Variants in AGAP1 observed in about 807,000 individuals in gnomAD.
The protein encoded by AGAP1 is ArfGAP with GTPase domain, ankyrin repeat and PH domain 1.
AGAP1 carries 29 observed loss-of-function variants against 105.3 expected under a neutral mutation model. That is an observed-to-expected ratio of 0.28 (90% confidence interval 0.21 to 0.38). The LOEUF is 0.38. Ranked by LOEUF, AGAP1 falls within the 10% of genes least tolerant of loss-of-function variation. The pLI is 1.00. For synonymous variants in AGAP1, 509 were observed against 485.9 expected, an observed-to-expected ratio of 1.05 and a Z score of -0.63; for missense variants, 998 against 1,165.1, an observed-to-expected ratio of 0.86 and a Z score of 2.09.
chr2:235,992,467 ATTCCT>A lies in AGAP1; in HGVS notation c.1645+23848_1645+23852del. ...CATGTGGGGACAGAGACTGCCACCC[ATTCCT>A]TTCTGAGGATTCAGTTCTTATAGAC... is the stretch of plus-strand genomic sequence containing the variant. On this transcript the variant is annotated intron_variant, in intron 13 of 17. Transcript: ENST00000304032. The surrounding 1 kb of genome is among the most constrained non-coding windows in gnomAD (Gnocchi z 4.8). 6.6e-6 allele frequency among the ~76,000 whole-genome samples: 1 copy of A among 152,208 alleles called. No homozygotes were observed. Among genetic ancestry groups the A allele is most frequent in the East Asian group, 1.9e-4 (1 of 5,176 alleles).
chr2:236,101,578 C>G lies in AGAP1; in HGVS notation c.2115-18614C>G, dbSNP rs571668549. Among the ~76,000 whole-genome samples the G allele has an allele frequency of 6.6e-6, 1 of 152,290 alleles. No homozygotes were observed. Among genetic ancestry groups the G allele is most frequent in the African/African-American group, 2.4e-5 (1 of 41,560 alleles). ...CCTCTCCCTGGTGTTTAAAGGGCGT[C>G]GGTGCACGTACAGCGAGGGCTTACA... On this transcript the variant is annotated intron_variant, in intron 16 of 17. Transcript: ENST00000304032. This position sits in a 1 kb window ranked among gnomAD's most constrained non-coding sequence, Gnocchi z 4.9.
chr2:235,591,120 AT>A (rs1945325700), intron 1 of AGAP1, among the ~76,000 whole-genome samples: 1 of 151,764 alleles, frequency 6.6e-6, no homozygotes, highest in East Asian at 1.9e-4. Context: ...GGTTCAAGCA[AT>A]TTTCGTGCCT....
At position 236,061,303 on chromosome 2, in the gene AGAP1, A is replaced by C. The variant is rs1407739029; in HGVS notation, c.2114+12022A>C. Among the ~76,000 whole-genome samples, 2 of 152,114 alleles carry C rather than the reference A, an allele frequency of 1.3e-5. No homozygotes were observed. Among genetic ancestry groups the C allele is most frequent in the Non-Finnish European group, 1.5e-5 (1 of 68,030 alleles). On this transcript the variant is annotated intron_variant, in intron 16 of 17. Coordinates refer to ENST00000304032, the MANE Select transcript of AGAP1 (RefSeq NM_001037131.3). This position sits in a 1 kb window ranked among gnomAD's most constrained non-coding sequence, Gnocchi z 4.1. ...GAAGATAGTCTGGCACTTCCTCGAA[A>C]AGTTAAACCTAGAGTTACCGTATGA...
At position 236,002,175 on chromosome 2, in the gene AGAP1, A is replaced by G. The variant is rs965869964; in HGVS notation, c.1645+33552A>G. ...CCAAGGGTCCATTTGTTACTGAGTC[A>G]TTCATTCAGCAGACTCGTTGAGAAC... On this transcript the variant is annotated intron_variant, in intron 13 of 17. Coordinates refer to ENST00000304032, the MANE Select transcript of AGAP1 (RefSeq NM_001037131.3). The surrounding 1 kb of genome is among the most constrained non-coding windows in gnomAD (Gnocchi z 4.3). Among the ~76,000 whole-genome samples, 1 of 152,198 alleles carries G rather than the reference A, an allele frequency of 6.6e-6. No homozygotes were observed. The highest frequency in any genetic ancestry group is 2.4e-5 in the African/African-American group (1 of 41,456).
chr2:235,863,577 G>C (rs994861334), intron 9 of AGAP1, among the ~76,000 whole-genome samples: 6 of 152,206 alleles, frequency 3.9e-5, no homozygotes, highest in African/African-American at 1.4e-4. Flanking sequence ...GATGATTTCA[G>C]CTGACCAGGG....
chr2:235,797,889 ACGTT>A lies in AGAP1; in HGVS notation c.801+4_801+7del. ...TGTCTGCCGTGCACATCAGCCAGGT[ACGTT>A]AGGTGACATGAGAAGTCAGACTCTT... On this transcript the variant is annotated splice_donor_5th_base_variant and intron_variant, in intron 7 of 17. Transcript: ENST00000304032. 6.2e-7 allele frequency: 1 copy of A among 1,614,018 alleles called. No homozygotes were observed. Among genetic ancestry groups the A allele is most frequent in the Non-Finnish European group, 8.5e-7 (1 of 1,180,008 alleles).
At position 235,872,387 on chromosome 2, in the gene AGAP1, A is replaced by T. The variant is rs78809488; in HGVS notation, c.1051-10958A>T. Among the ~76,000 whole-genome samples, 3,769 of 152,312 alleles carry T rather than the reference A, an allele frequency of 0.025. 84 individuals carry two copies. The highest frequency in any genetic ancestry group is 0.032 in the Non-Finnish European group (2,180 of 68,022). On this transcript the variant is annotated intron_variant, in intron 9 of 17. Coordinates refer to ENST00000304032, the MANE Select transcript of AGAP1 (RefSeq NM_001037131.3). This position sits in a 1 kb window ranked among gnomAD's most constrained non-coding sequence, Gnocchi z 4.5. ...AATCTTAAGCAGAGATGGTTTTCACATGTACAAAAGTGGCATCTGAAAGAT... is the reference window on the plus strand; with the variant it reads ...AATCTTAAGCAGAGATGGTTTTCACTTGTACAAAAGTGGCATCTGAAAGAT...
At chr2:235,504,846 A>C (rs1312695764) in intron 1 of AGAP1, among the ~76,000 whole-genome samples, 4 of 152,144 alleles carry the variant, frequency 2.6e-5, no homozygotes, top group African/African-American at 9.7e-5. Flanking sequence ...TCCAGCACTT[A>C]GAGATTAGGT....
chr2:235,704,723 TC>T (rs1950438465), intron 1 of AGAP1, among the ~76,000 whole-genome samples: 1 of 152,160 alleles, frequency 6.6e-6, no homozygotes, highest in Non-Finnish European at 1.5e-5. Context: ...TTGCTAAGCG[TC>T]CCAGGTTAGT....
Position 235,692,049 on chromosome 2 carries a change from C to G in AGAP1, c.164-17130C>G, listed in dbSNP as rs943067891. On this transcript the variant is annotated intron_variant, in intron 1 of 17. Coordinates refer to ENST00000304032, the MANE Select transcript of AGAP1 (RefSeq NM_001037131.3). The surrounding 1 kb of genome is among the most constrained non-coding windows in gnomAD (Gnocchi z 5.8). ...GTTAACAAAGACTATAAAGTTTTCT[C>G]AAGAGGATGTAAACCAAGTAAACAA... 6.6e-6 allele frequency among the ~76,000 whole-genome samples: 1 copy of G among 152,178 alleles called. No individual in the cohort carries two copies. Among genetic ancestry groups the G allele is most frequent in the African/African-American group, 2.4e-5 (1 of 41,438 alleles).
chr2:235,728,301 C>CTGTGTGTGTGTGTGTGTGTGTGTGTGTG lies in AGAP1; in HGVS notation c.310+10683_310+10684insTGTGTGTGTGTGTGTGTGTGTGTGTGTG, dbSNP rs143714801. ...ATCTGAAAAGGACTGGGCCCAGACT[C>CTGTGTGTGTGTGTGTGTGTGTGTGTGTG]TGTGTGTGTGTGTGTGTGTGTGTGT... On this transcript the variant is annotated intron_variant, in intron 3 of 17. Coordinates refer to ENST00000304032, the MANE Select transcript of AGAP1 (RefSeq NM_001037131.3). This position sits in a 1 kb window ranked among gnomAD's most constrained non-coding sequence, Gnocchi z 4.3. Among the ~76,000 whole-genome samples the CTGTGTGTGTGTGTGTGTGTGTGTGTGTG allele has an allele frequency of 3.0e-4, 45 of 148,528 alleles. No homozygotes were observed. The highest frequency in any genetic ancestry group is 9.7e-4 in the African/African-American group (39 of 40,148).
At chr2:235,808,375 GTCTT>G (rs913491471) in intron 9 of AGAP1, among the ~76,000 whole-genome samples, 9 of 152,226 alleles carry the variant, frequency 5.9e-5, no homozygotes, top group African/African-American at 2.2e-4. Context: ...AAAGGGGAGA[GTCTT>G]TCCACACATG....
chr2:235,974,351 T>C (rs1305394197), intron 13 of AGAP1, among the ~76,000 whole-genome samples: 2 of 152,226 alleles, frequency 1.3e-5, no homozygotes. Context: ...ACACTGACTT[T>C]TATATGGCTC....
Position 235,908,788 on chromosome 2 carries a change from T to C in AGAP1, c.1206T>C (p.Thr402=), listed in dbSNP as rs775622655. The stretch of plus-strand genomic sequence containing the variant: ...AGGAGATTGACCTTCTGAGAACCAC[T>C]GTGAAAGTCCCAGGGAAGAGGCCAC... ...HGKEIDLLRT[T]VKVPGKRPPR... Residue 402 remains threonine (T), a synonymous_variant, in exon 11 of 18, where the codon ACT becomes ACC. Transcript: ENST00000304032. This position sits in a 1 kb window ranked among gnomAD's most constrained non-coding sequence, Gnocchi z 4.4. 4 of 1,613,906 alleles carry C rather than the reference T, an allele frequency of 2.5e-6. No homozygotes were observed. Among genetic ancestry groups the C allele is most frequent in the African/African-American group, 1.3e-5 (1 of 74,978 alleles).
intron 16 of AGAP1, among the ~76,000 whole-genome samples, chr2:236,084,341 G>A (rs1377520695): frequency 1.3e-5 from 2 of 152,114 alleles, no homozygotes; most frequent in African/African-American, 4.8e-5. Context: ...TTCATTTCAT[G>A]CTGTAAGGAT....
At chr2:235,758,073 ATTTG>A (rs1222155068) in intron 6 of AGAP1, among the ~76,000 whole-genome samples, 1 of 151,624 alleles carries the variant, frequency 6.6e-6, no homozygotes, top group Non-Finnish European at 1.5e-5. Context: ...CTGTTTTATG[ATTTG>A]TTTTTGTTGC....
At chr2:235,923,112 CTCTT>C (rs1345912526) in intron 11 of AGAP1, among the ~76,000 whole-genome samples, 2 of 152,126 alleles carry the variant, frequency 1.3e-5, no homozygotes, top group African/African-American at 2.4e-5. Context: ...TGAGGAAACA[CTCTT>C]TCTGAGTTCA....
Position 235,691,341 on chromosome 2 carries a change from C to T in AGAP1, c.164-17838C>T, listed in dbSNP as rs188174687. Among the ~76,000 whole-genome samples, 19 of 152,328 alleles carry T rather than the reference C, an allele frequency of 1.2e-4. No individual in the cohort carries two copies. Among genetic ancestry groups the T allele is most frequent in the Non-Finnish European group, 2.1e-4 (14 of 68,030 alleles). On this transcript the variant is annotated intron_variant, in intron 1 of 17. Transcript: ENST00000304032. The surrounding 1 kb of genome is among the most constrained non-coding windows in gnomAD (Gnocchi z 4.4). Reference sequence around the variant, plus strand: ...GTTGGTGGCAAGTTAGAAAGGCACACGTTGGTAATGGCCAATGGTTGCCAG... The same window carrying T: ...GTTGGTGGCAAGTTAGAAAGGCACATGTTGGTAATGGCCAATGGTTGCCAG...
intron 13 of AGAP1, among the ~76,000 whole-genome samples, chr2:236,016,114 A>AT (rs201015791): frequency 2.5e-4 from 38 of 150,546 alleles, no homozygotes; most frequent in East Asian, 5.8e-4. Context: ...TTTAATCATA[A>AT]TTTTTTTTTT....
Sources: allele counts gnomAD v4.1 joint callset (sites outside exome capture counted in the v4.1 genomes callset), GRCh38; gene constraint gnomAD v4.1.1; non-coding constraint Gnocchi (gnomAD v3.1); transcripts MANE v1.5; gene names NCBI Gene and HGNC (gene_info 2026-07-23, HGNC 2026-07-21).